SLC18A1: variants seen among roughly 807,000 people sequenced by gnomAD.
SLC18A1 encodes the protein chromaffin granule amine transporter.
A neutral mutation model predicts 53.7 loss-of-function variants in SLC18A1; 69 were observed. The observed-to-expected ratio is 1.28, with a 90% CI of 1.06 to 1.57. The LOEUF (loss-of-function observed/expected upper bound fraction) is 1.57. Ranked by LOEUF, SLC18A1 falls within the 40% of genes most tolerant of loss-of-function variation. The pLI is 0.00. For synonymous variants in SLC18A1, 320 were observed against 248.1 expected, an observed-to-expected ratio of 1.29 and a Z score of -2.72; for missense variants, 932 against 668.1, an observed-to-expected ratio of 1.40 and a Z score of -4.35.
At chr8:20,149,750 A>G in intron 11 of SLC18A1, 23 bp from the exon 12 acceptor site, 1 of 1,612,904 alleles carries the variant, frequency 6.2e-7, no homozygotes, top group Non-Finnish European at 8.5e-7. Context: ...AGCCATCATC[A>G]AACACCACTA....
At chr8:20,171,335 A>T in intron 7 of SLC18A1, 70 bp downstream of exon 7, 1 of 1,385,954 alleles carries the variant, frequency 7.2e-7, no homozygotes, top group Non-Finnish European at 1.0e-6. Flanking sequence ...GTGAAGACTG[A>T]CACTACAACA....
At chr8:20,147,797 G>T in intron 13 of SLC18A1, 75 bp from the exon 14 acceptor site, 4 of 1,578,500 alleles carry the variant, frequency 2.5e-6, no homozygotes, top group Non-Finnish European at 3.4e-6. Flanking sequence ...CCTCCATTTA[G>T]TCCATTTGCT....
At chr8:20,177,407 G>C (rs2072278142) in intron 4 of SLC18A1, among the ~76,000 whole-genome samples, 1 of 152,100 alleles carries the variant, frequency 6.6e-6, no homozygotes, top group Non-Finnish European at 1.5e-5. Flanking sequence ...AAAAATGAGA[G>C]GCATGTTCTC....
At chr8:20,158,095 C>T (rs1284158630) in intron 10 of SLC18A1, among the ~76,000 whole-genome samples, 1 of 152,186 alleles carries the variant, frequency 6.6e-6, no homozygotes, top group Non-Finnish European at 1.5e-5. Context: ...GTGCCCAGGG[C>T]AAGTGCCAGC....
chr8:20,160,458 C>A (rs2071798931), intron 10 of SLC18A1, among the ~76,000 whole-genome samples: 1 of 151,622 alleles, frequency 6.6e-6, no homozygotes, highest in South Asian at 2.1e-4. Flanking sequence ...AGATACATGA[C>A]CCCTGCATGA....
intron 8 of SLC18A1, among the ~76,000 whole-genome samples, chr8:20,169,873 C>T (rs573827698): frequency 6.7e-4 from 102 of 152,154 alleles, no homozygotes; most frequent in Middle Eastern, 6.8e-3. Context: ...AGCAAGACTC[C>T]GTCTCAAAAA....
chr8:20,157,198 G>A (rs1434690456), intron 10 of SLC18A1, among the ~76,000 whole-genome samples: 1 of 152,146 alleles, frequency 6.6e-6, no homozygotes, highest in African/African-American at 2.4e-5. Context: ...TCTTTTTTCA[G>A]ATGGGAAACG....
At chr8:20,176,340 G>C (rs1216559634) in intron 4 of SLC18A1, among the ~76,000 whole-genome samples, 1 of 152,204 alleles carries the variant, frequency 6.6e-6, no homozygotes, top group East Asian at 1.9e-4. Flanking sequence ...GCTCCCTGAG[G>C]CCCGCACCAG....
In SLC18A1 at chr8:20,168,528, A is replaced by G. The variant is rs181318642; in HGVS notation, c.858+2575T>C. On this transcript the variant is annotated intron_variant, in intron 8 of 15. Coordinates refer to ENST00000276373, the MANE Select transcript of SLC18A1 (RefSeq NM_003053.4). ...ATACCTATTTGGTATAAATATTTAT[A>G]AATATATACATATAAAGAGAGTAAG... Among the ~76,000 whole-genome samples the G allele has an allele frequency of 1.1e-4, 17 of 152,280 alleles. No individual in the cohort carries two copies. The East Asian group carries it at 1.7e-3, about 16-fold the overall frequency.
rs78317333 is a variant in SLC18A1, at chr8:20,169,121, G to T, written c.858+1982C>A. Among the ~76,000 whole-genome samples the T allele has an allele frequency of 3.7e-3, 564 of 152,212 alleles. 5 individuals carry two copies. The highest frequency in any genetic ancestry group is 0.013 in the African/African-American group (546 of 41,510). ...GGACATCACCACTGAGAGGCGACGG[G>T]CATTAAATACCTCCAGACATGAAAC... On this transcript the variant is annotated intron_variant, in intron 8 of 15. Transcript: ENST00000276373.
At chr8:20,146,652 A>C (rs1381346462) in intron 15 of SLC18A1, among the ~76,000 whole-genome samples, 1 of 152,050 alleles carries the variant, frequency 6.6e-6, no homozygotes, top group Non-Finnish European at 1.5e-5. Context: ...GATAAACCCC[A>C]TCTCTACTAA....
At chr8:20,166,954 A>G (rs982134945) in intron 8 of SLC18A1, among the ~76,000 whole-genome samples, 3 of 152,210 alleles carry the variant, frequency 2.0e-5, no homozygotes, top group African/African-American at 7.2e-5. Context: ...AGCCAGGAAG[A>G]GAGGCCTCAC....
At chr8:20,158,791 A>G (rs2071744414) in intron 10 of SLC18A1, among the ~76,000 whole-genome samples, 1 of 152,160 alleles carries the variant, frequency 6.6e-6, no homozygotes, top group Non-Finnish European at 1.5e-5. Context: ...CAAATACCAG[A>G]GGAAGCAGAG....
At chr8:20,165,669 T>G (rs548112840) in intron 8 of SLC18A1, among the ~76,000 whole-genome samples, 149 of 152,276 alleles carry the variant, frequency 9.8e-4, no homozygotes, top group Admixed American at 1.5e-3. Context: ...GGACACACTC[T>G]CATCTAAACT....
intron 6 of SLC18A1, among the ~76,000 whole-genome samples, chr8:20,172,780 C>G (rs371932631): frequency 1.3e-5 from 2 of 152,164 alleles, no homozygotes; most frequent in Non-Finnish European, 2.9e-5. Context: ...GGAACCGAGG[C>G]GAAGCAGTGG....
At position 20,145,847 on chromosome 8, in the gene SLC18A1, C is replaced by T. The variant is rs377025498; in HGVS notation, c.1494G>A (p.Glu498=). 5.0e-6 allele frequency: 8 copies of T among 1,611,062 alleles called. No homozygotes were observed. In the African/African-American group the frequency reaches 1.1e-4, roughly 22 times the overall value. The change falls in exon 16 of 16, where the codon GAG becomes GAA. Residue 498 remains glutamate (E), a synonymous_variant. Coordinates refer to ENST00000276373, the MANE Select transcript of SLC18A1 (RefSeq NM_003053.4). The part of the protein sequence containing the change: ...LAILSQDCPM[E]TRMYATQKPT... ...GCTTCTGGGTTGCATACATCCGGGT[C>T]TCCATGGGGCAGTCCTGACTCAGAA...
chr8:20,174,553 T>G (rs1293857575), intron 4 of SLC18A1, 109 bp from the exon 5 acceptor site: 1 of 706,096 alleles, frequency 1.4e-6, no homozygotes, highest in Non-Finnish European at 2.6e-6. Flanking sequence ...GATGCATATG[T>G]TTTTAATAAA....
intron 8 of SLC18A1, among the ~76,000 whole-genome samples, chr8:20,169,906 A>G (rs1430809092): frequency 6.6e-6 from 1 of 152,152 alleles, no homozygotes; most frequent in East Asian, 1.9e-4. Context: ...TGGGTGCCTC[A>G]CTTTCCTGGA....
chr8:20,179,078 C>A, intron 3 of SLC18A1, 43 bp downstream of exon 3: 1 of 1,561,344 alleles, frequency 6.4e-7, no homozygotes, highest in Non-Finnish European at 8.7e-7. Context: ...TCTAGTCCTC[C>A]TACTCCTGTG....
Sources: gnomAD v4.1 joint callset for allele counts (sites outside exome capture counted in the v4.1 genomes callset) on GRCh38, gnomAD v4.1.1 for gene constraint, MANE v1.5 for transcripts, NCBI Gene and HGNC (gene_info 2026-07-23, HGNC 2026-07-21) for gene names.